SLC38A7: variants seen among roughly 807,000 people sequenced by gnomAD.
SLC38A7 encodes the protein sodium-coupled neutral amino acid transporter 7.
Under a neutral mutation model 50.1 loss-of-function variants are expected in SLC38A7, and 29 were observed. That is an observed-to-expected ratio of 0.58 (90% CI 0.43 to 0.79). The LOEUF (loss-of-function observed/expected upper bound fraction) is 0.79. Among genes scored for constraint, SLC38A7 ranks in the 30% least tolerant of loss-of-function variants. SLC38A7 has a pLI of 0.00. For synonymous variants in SLC38A7, 244 were observed against 245.9 expected (o/e 0.99, Z 0.07); for missense variants, 483 against 610.6 (o/e 0.79, Z 2.20).
In SLC38A7 at chr16:58,665,498, C is replaced by G. The variant is rs1474819858; in HGVS notation, c.*1887G>C. 6.6e-6 allele frequency: 1 copy of G among 152,646 alleles called. No homozygotes were observed. Among genetic ancestry groups the G allele is most frequent in the Non-Finnish European group, 1.5e-5 (1 of 68,400 alleles). 9.5% of individuals were successfully genotyped at this position (152,646 alleles called of 1,614,324 possible). ...ATGTGAGAAAAGGCAGTTTATCCAT[C>G]TGGGGACTGGACAGAGGCCCAGCCA... On this transcript the variant is annotated 3_prime_UTR_variant, in exon 12 of 12. Transcript: ENST00000219320.
At position 58,672,173 on chromosome 16, in the gene SLC38A7, G is replaced by A; in HGVS notation, c.954C>T (p.Asp318=). Residue 318 remains aspartate, a synonymous_variant, in exon 9 of 12, where the codon GAC becomes GAT. Transcript: ENST00000219320. ...AGGCTCGGGCAACGGCCACGGCCAT[G>A]TCCTCCGAGGGATAGGACAGGAGCA... ...PDVLLSYPSE[D]MAVAVARAFI... 2 of 1,570,338 alleles carry A rather than the reference G, an allele frequency of 1.3e-6. No individual in the cohort carries two copies. Among genetic ancestry groups the A allele is most frequent in the Non-Finnish European group, 1.7e-6 (2 of 1,157,814 alleles).
chr16:58,680,370 G>A (rs2044364659), intron 2 of SLC38A7, 129 bp from the exon 3 acceptor site: 1 of 400,312 alleles, frequency 2.5e-6, no homozygotes, highest in East Asian at 3.7e-5. Flanking sequence ...TGCAGACAGT[G>A]CACTGGGTGC....
At position 58,673,670 on chromosome 16, in the gene SLC38A7, T is replaced by G. The variant is rs554170623; in HGVS notation, c.884-1427A>C. Among the ~76,000 whole-genome samples, 28 of 145,422 alleles carry G rather than the reference T, an allele frequency of 1.9e-4. 1 individual carries two copies. In the South Asian group the frequency reaches 5.4e-3, roughly 28 times the overall value. On this transcript the variant is annotated intron_variant, in intron 8 of 11. Coordinates refer to ENST00000219320, the MANE Select transcript of SLC38A7 (RefSeq NM_018231.3). ...TGAGCCCCAGTGCCTGGCCGTTTTT[T>G]TTTTTTTTTTTAAAGACAGGATCTT...
Position 58,672,870 on chromosome 16 carries a change from G to A in SLC38A7, c.884-627C>T, listed in dbSNP as rs1281008004. Among the ~76,000 whole-genome samples the A allele has an allele frequency of 2.0e-5, 3 of 151,854 alleles. No homozygotes were observed. In the East Asian group the frequency reaches 5.8e-4, roughly 29 times the overall value. On this transcript the variant is annotated intron_variant, in intron 8 of 11. Transcript: ENST00000219320. Reference sequence around the variant, plus strand: ...TCCCAGTCTGGTCTTGAACTCCTGGGCTCAAGTAATCCTCCTACCTCACCC... The same window carrying A: ...TCCCAGTCTGGTCTTGAACTCCTGGACTCAAGTAATCCTCCTACCTCACCC...
intron 8 of SLC38A7, chr16:58,675,483 C>G (rs2044247153): frequency 3.4e-6 from 1 of 292,588 alleles, no homozygotes; most frequent in Admixed American, 4.4e-5. Flanking sequence ...CCACTGCACT[C>G]CAGCCTGGGC....
At position 58,678,134 on chromosome 16, in the gene SLC38A7, T is replaced by C. The variant is rs8045177; in HGVS notation, c.611+199A>G. On this transcript the variant is annotated intron_variant, in intron 5 of 11. Coordinates refer to ENST00000219320, the MANE Select transcript of SLC38A7 (RefSeq NM_018231.3). This position sits in a 1 kb window ranked among gnomAD's most constrained non-coding sequence, Gnocchi z 4.0. ...AGGACATTTAGAACTGAATCTCTCATGGATGCATCCTTTTTCTATGATGGA... is the reference window on the plus strand; with the variant it reads ...AGGACATTTAGAACTGAATCTCTCACGGATGCATCCTTTTTCTATGATGGA... 0.45 allele frequency among the ~76,000 whole-genome samples: 68,037 copies of C among 152,024 alleles called. 17,356 individuals carry two copies. Among genetic ancestry groups the C allele is most frequent in the African/African-American group, 0.7 (28,857 of 41,482 alleles).
intron 2 of SLC38A7, chr16:58,683,641 T>G (rs926039050): frequency 1.3e-5 from 2 of 152,322 alleles, no homozygotes; most frequent in Non-Finnish European, 2.9e-5. Flanking sequence ...AAGTGACCAC[T>G]GCCAGAGCTG....
chr16:58,679,341 G>A (rs1037713150), intron 3 of SLC38A7, among the ~76,000 whole-genome samples: 1 of 152,136 alleles, frequency 6.6e-6, no homozygotes, highest in Non-Finnish European at 1.5e-5. Flanking sequence ...GCAGTAAGCC[G>A]AGATCGGGCC....
Position 58,678,850 on chromosome 16 carries a change from G to A in SLC38A7, c.315C>T (p.Tyr105=). 1 of 1,614,152 alleles carries A rather than the reference G, an allele frequency of 6.2e-7. No individual in the cohort carries two copies. Among genetic ancestry groups the A allele is most frequent in the Non-Finnish European group, 8.5e-7 (1 of 1,180,038 alleles). ...TCCTCTCATTGCTGGCCTGGGAGCA[G>A]TAGGCCAGGATGACAAGGCCACTGA... The part of the protein sequence containing the change: ...FIISGLVILA[Y]CSQASNERTY... The change falls in exon 4 of 12, where the codon TAC becomes TAT. Residue 105 remains tyrosine, a synonymous_variant. Transcript: ENST00000219320. The surrounding 1 kb of genome is among the most constrained non-coding windows in gnomAD (Gnocchi z 4.0).
Position 58,678,212 on chromosome 16 carries a change from C to G in SLC38A7, c.611+121G>C, listed in dbSNP as rs1188174340. 8.6e-5 allele frequency: 106 copies of G among 1,237,102 alleles called. No individual in the cohort carries two copies. Among genetic ancestry groups the G allele is most frequent in the Non-Finnish European group, 1.1e-4 (105 of 915,000 alleles). 76.6% of individuals were successfully genotyped at this position (1,237,102 alleles called of 1,614,324 possible). On this transcript the variant is annotated intron_variant, in intron 5 of 11. Coordinates refer to ENST00000219320, the MANE Select transcript of SLC38A7 (RefSeq NM_018231.3). This position sits in a 1 kb window ranked among gnomAD's most constrained non-coding sequence, Gnocchi z 4.0. ...CCCTGCAAGCCCCGGTCTGCCCTGCCTTGCCTACTCTTGCTCCCCAAGGTG... is the reference window on the plus strand; with the variant it reads ...CCCTGCAAGCCCCGGTCTGCCCTGCGTTGCCTACTCTTGCTCCCCAAGGTG...
intron 2 of SLC38A7, 125 bp from the exon 3 acceptor site, chr16:58,680,366 C>T: frequency 2.4e-6 from 1 of 412,958 alleles, no homozygotes; most frequent in Non-Finnish European, 4.2e-6. Flanking sequence ...TCTGTGCAGA[C>T]AGTGCACTGG....
Position 58,677,455 on chromosome 16 carries a change from T to C in SLC38A7, c.612-31A>G, listed in dbSNP as rs374286665. 3.9e-5 allele frequency: 63 copies of C among 1,597,388 alleles called. No homozygotes were observed. In the African/African-American group the frequency reaches 6.8e-4, roughly 17 times the overall value. On this transcript the variant is annotated intron_variant, in intron 5 of 11. Coordinates refer to ENST00000219320, the MANE Select transcript of SLC38A7 (RefSeq NM_018231.3). The stretch of plus-strand genomic sequence containing the variant: ...GGGAAGGAGAGACTAAGTGTCCTCA[T>C]CCCCAGCTGCCTCTTATCTGATTCC...
Position 58,670,163 on chromosome 16 carries a change from C to T in SLC38A7, c.1236G>A (p.Leu412=), listed in dbSNP as rs1466166896. 5 of 1,614,034 alleles carry T rather than the reference C, an allele frequency of 3.1e-6. No individual in the cohort carries two copies. Among genetic ancestry groups the T allele is most frequent in the African/African-American group, 2.7e-5 (2 of 74,926 alleles). The part of the protein sequence containing the change: ...AACFIFVFPG[L]CLIQAKLSEM... The stretch of plus-strand genomic sequence containing the variant: ...CAGAGAGTTTGGCTTGAATGAGGCA[C>T]AGCCCTGAAAGAGAAGAAGTGGCCC... The change falls in exon 11 of 12, where the codon CTG becomes CTA. Residue 412 remains leucine, a synonymous_variant. Transcript: ENST00000219320.
At position 58,679,760 on chromosome 16, in the gene SLC38A7, G is replaced by A. The variant is rs766908711; in HGVS notation, c.270+97C>T. ...TGTGTGAGGGAGGGGAGAGCAGTGC[G>A]TGTATCACTTACTGGCCATCCCTGA... On this transcript the variant is annotated intron_variant, in intron 3 of 11. Transcript: ENST00000219320. 18 of 1,487,194 alleles carry A rather than the reference G, an allele frequency of 1.2e-5. 1 individual carries two copies. The highest frequency in any genetic ancestry group is 4.6e-5 in the South Asian group (4 of 87,272). The allele number at this position is 1,487,194 out of a possible 1,614,324, so 92.1% of individuals were successfully genotyped here. A position where few individuals can be genotyped will look rare whatever the true frequency, so the allele number is the denominator to read the frequency against.
Position 58,670,126 on chromosome 16 carries a change from C to T in SLC38A7, c.1273G>A (p.Val425Ile). 4 of 1,614,166 alleles carry T rather than the reference C, an allele frequency of 2.5e-6. No homozygotes were observed. Among genetic ancestry groups the T allele is most frequent in the Non-Finnish European group, 3.4e-6 (4 of 1,180,018 alleles). Residue 425 changes from valine to isoleucine, a missense_variant, in exon 11 of 12, where the codon GTC (valine) becomes ATC (isoleucine). Val to Ile is a conservative substitution (Grantham distance 29). Transcript: ENST00000219320. ...IQAKLSEMEEVKPASWWVLVS... is the reference protein window; with the variant it reads ...IQAKLSEMEEIKPASWWVLVS... The stretch of plus-strand genomic sequence containing the variant: ...GTCCTGCTTTACCTGGCTGGTTTGA[C>T]CTCTTCCATCTCAGAGAGTTTGGCT...
At chr16:58,680,452 T>C (rs1030047400) in intron 2 of SLC38A7, among the ~76,000 whole-genome samples, 6 of 152,184 alleles carry the variant, frequency 3.9e-5, no homozygotes, top group Non-Finnish European at 8.8e-5. Flanking sequence ...ACAGACTCAA[T>C]GGACCAGTTA....
intron 8 of SLC38A7, among the ~76,000 whole-genome samples, chr16:58,672,643 T>C (rs2044181277): frequency 6.6e-6 from 1 of 152,022 alleles, no homozygotes; most frequent in African/African-American, 2.4e-5. Context: ...CATCACGCTG[T>C]CTTATTTTTC....
At chr16:58,676,257 G>A in intron 7 of SLC38A7, 32 bp downstream of exon 7, 4 of 1,614,042 alleles carry the variant, frequency 2.5e-6, no homozygotes, top group East Asian at 2.2e-5. Flanking sequence ...GATCTAAGGG[G>A]ACAGCAGGGA....
rs1452844004 is a variant in SLC38A7, at chr16:58,678,559, C to T, written c.470-85G>A. ...CTCTGCTGGGCCCCAGGACCTCCCT[C>T]TGCCTGGAGGGAGGATTCCCAGATG... On this transcript the variant is annotated intron_variant, in intron 4 of 11. Transcript: ENST00000219320. The surrounding 1 kb of genome is among the most constrained non-coding windows in gnomAD (Gnocchi z 4.0). The T allele has an allele frequency of 4.5e-6, 7 of 1,554,718 alleles. No individual in the cohort carries two copies. The Admixed American group carries it at 1.2e-4, about 28-fold the overall frequency.
Sources: gnomAD v4.1 joint callset for allele counts (sites outside exome capture counted in the v4.1 genomes callset) on GRCh38, gnomAD v4.1.1 for gene constraint, Gnocchi (gnomAD v3.1) non-coding constraint, MANE v1.5 for transcripts, NCBI Gene and HGNC (gene_info 2026-07-23, HGNC 2026-07-21) for gene names.